The following GAS6 variants were observed in gnomAD, a reference collection of about 807,000 sequenced individuals.
The protein encoded by GAS6 is growth arrest-specific protein 6.
Under a neutral mutation model 75.8 loss-of-function variants are expected in GAS6, and 41 were observed. The observed-to-expected ratio is 0.54, with a 90% CI of 0.42 to 0.70. GAS6 has a LOEUF of 0.70. Among genes scored for constraint, GAS6 ranks in the 30% least tolerant of loss-of-function variants. The pLI is 0.00. For missense variants in GAS6, 854 were observed against 940.2 expected, an observed-to-expected ratio of 0.91 and a Z score of 1.20; for synonymous variants, 432 against 412.6, an observed-to-expected ratio of 1.05 and a Z score of -0.57.
chr13:113,840,751 C>G (rs61966700), intron 4 of GAS6: 3 of 152,250 alleles, frequency 2.0e-5, no homozygotes, highest in African/African-American at 7.2e-5. Context: ...CGGGGCTGAG[C>G]ATGGCAGTGC....
chr13:113,859,655 C>G (rs2051955424), intron 2 of GAS6, among the ~76,000 whole-genome samples: 1 of 152,070 alleles, frequency 6.6e-6, no homozygotes, highest in Admixed American at 6.5e-5. Context: ...AACATATGTA[C>G]ATGTGTGCAT....
chr13:113,823,580 G>T, intron 12 of GAS6, 30 bp from the exon 13 acceptor site: 1 of 1,582,472 alleles, frequency 6.3e-7, no homozygotes, highest in Non-Finnish European at 8.6e-7. Flanking sequence ...TTATAGGGTG[G>T]TATGCACGGT....
chr13:113,834,679 G>C lies in GAS6; in HGVS notation c.713-7C>G. The C allele has an allele frequency of 1.3e-6, 2 of 1,547,990 alleles. No individual in the cohort carries two copies. The highest frequency in any genetic ancestry group is 3.9e-5 in the Admixed American group (2 of 51,770). ...TGCAGACACTCGTCCACATCTGCCA[G>C]CCAGAGGGAAGCGGCGGTGAGCCGG... is the stretch of plus-strand genomic sequence containing the variant. On this transcript the variant is annotated splice_polypyrimidine_tract_variant and splice_region_variant and intron_variant, in intron 7 of 14. Coordinates refer to ENST00000327773, the MANE Select transcript of GAS6 (RefSeq NM_000820.4).
At position 113,842,531 on chromosome 13, in the gene GAS6, T is replaced by A. The variant is rs1338327787; in HGVS notation, c.344-2681A>T. 3.8e-5 allele frequency: 15 copies of A among 396,382 alleles called. 3 individuals carry two copies. The highest frequency in any genetic ancestry group is 2.3e-4 in the African/African-American group (11 of 46,876). 24.6% of individuals were successfully genotyped at this position (396,382 alleles called of 1,614,324 possible). The stretch of plus-strand genomic sequence containing the variant: ...TGTGTCCGCGGGGCGTCTGGAGACG[T>A]CGATGTGGTCATAGCAGGGCCTGGA... On this transcript the variant is annotated intron_variant, in intron 4 of 14. Transcript: ENST00000327773.
intron 6 of GAS6, chr13:113,836,177 G>A (rs2051700211): frequency 8.2e-6 from 3 of 366,312 alleles, no homozygotes; most frequent in South Asian, 1.3e-4. Flanking sequence ...CCAGAGGAGA[G>A]CAAAGGCAGG....
At chr13:113,834,325 G>T (rs1244837871) in intron 8 of GAS6, among the ~76,000 whole-genome samples, 1 of 152,232 alleles carries the variant, frequency 6.6e-6, no homozygotes, top group East Asian at 1.9e-4. Context: ...GTCCACACCA[G>T]GCTGATCCAC....
chr13:113,835,170 G>A (rs1015793315), intron 7 of GAS6, among the ~76,000 whole-genome samples: 9 of 152,254 alleles, frequency 5.9e-5, no homozygotes, highest in East Asian at 1.9e-4. Flanking sequence ...TCCCCATGGC[G>A]GCTGGAAAGA....
intron 14 of GAS6, chr13:113,821,330 C>T (rs906895172): frequency 3.8e-5 from 15 of 393,214 alleles, no homozygotes; most frequent in African/African-American, 9.9e-5. Flanking sequence ...CCTCCTGGCT[C>T]GCTCTCATCC....
At position 113,826,622 on chromosome 13, in the gene GAS6, C is replaced by T. The variant is rs1159123784; in HGVS notation, c.1477+374G>A. Among the ~76,000 whole-genome samples, 68 of 48,440 alleles carry T rather than the reference C, an allele frequency of 1.4e-3. 3 individuals are homozygous for T. The highest frequency in any genetic ancestry group is 6.3e-3 in the South Asian group (7 of 1,104). 31.8% of individuals were successfully genotyped at this position (48,440 alleles called of 152,430 possible). A position where few individuals can be genotyped will look rare whatever the true frequency, so the allele number is the denominator to read the frequency against. ...CTCTCCCCGGCCTCCCGGCGCCGGC[C>T]TCGCAGGCACCTTCTCTCCCCGGCC... On this transcript the variant is annotated intron_variant, in intron 12 of 14. Transcript: ENST00000327773.
chr13:113,855,722 AGTAAAG>A (rs1161035551), intron 2 of GAS6, among the ~76,000 whole-genome samples: 1 of 152,158 alleles, frequency 6.6e-6, no homozygotes, highest in Non-Finnish European at 1.5e-5. Flanking sequence ...GTGTAAGGAC[AGTAAAG>A]GCAACCAGAT....
chr13:113,826,266 A>G (rs1055584646), intron 12 of GAS6, among the ~76,000 whole-genome samples: 1 of 152,148 alleles, frequency 6.6e-6, no homozygotes, highest in Admixed American at 6.5e-5. Context: ...TCACCGGGTC[A>G]TCGGTGACCA....
rs1045476689 is a variant in GAS6 at position 113,827,699 on chromosome 13, G to A, written c.1309-535C>T. Among the ~76,000 whole-genome samples, 9 of 151,110 alleles carry A rather than the reference G, an allele frequency of 6.0e-5. No individual in the cohort carries two copies. The East Asian group carries it at 9.6e-4, about 16-fold the overall frequency. Reference sequence around the variant, plus strand: ...GGGTGGCTTCAGCACAGGCACTGCCGACACTCAGCACCCAAAGACGCGAAG... The same window carrying A: ...GGGTGGCTTCAGCACAGGCACTGCCAACACTCAGCACCCAAAGACGCGAAG... On this transcript the variant is annotated intron_variant, in intron 11 of 14. Transcript: ENST00000327773.
intron 13 of GAS6, 71 bp from the exon 14 acceptor site, chr13:113,822,257 C>T: frequency 8.2e-7 from 1 of 1,216,744 alleles, no homozygotes; most frequent in Non-Finnish European, 1.1e-6. Context: ...CAAGCTGGTC[C>T]TCACAGCTGC....
chr13:113,827,032 G>A lies in GAS6; in HGVS notation c.1441C>T (p.Pro481Ser), dbSNP rs771975043. The A allele has an allele frequency of 1.2e-6, 2 of 1,613,206 alleles. No individual in the cohort carries two copies. The highest frequency in any genetic ancestry group is 8.5e-7 in the Non-Finnish European group (1 of 1,179,964). The change falls in exon 12 of 15, where the codon CCC becomes TCC. Residue 481 changes from proline to serine, a missense_variant. Pro to Ser is a moderately conservative substitution (Grantham distance 74, BLOSUM62 -1). Transcript: ENST00000327773. The stretch of plus-strand genomic sequence containing the variant: ...CTGTAGAAGGCGAAGCCGCTCCCGG[G>A]GTAGAAAGAGCCTCTCTCCGTCACC... ...FSVTERGSFYPGSGFAFYSLD... is the reference protein window; with the variant it reads ...FSVTERGSFYSGSGFAFYSLD...
At chr13:113,838,478 C>A (rs1329709884) in intron 5 of GAS6, among the ~76,000 whole-genome samples, 5 of 135,334 alleles carry the variant, frequency 3.7e-5, no homozygotes, top group Non-Finnish European at 3.2e-5. Context: ...ACAGCCCAGC[C>A]CCGGAGCAGG....
Position 113,863,840 on chromosome 13 carries a change from G to C in GAS6, c.81C>G (p.Cys27Trp). 1 of 1,294,910 alleles carries C rather than the reference G, an allele frequency of 7.7e-7. No homozygotes were observed. The allele number at this position is 1,294,910 out of a possible 1,614,324, so 80.2% of individuals were successfully genotyped here. ...QLLLLLLAAE[C>W]ALAALLPARE... ...CGGGCCCGCGGGACTCACCAAGCGC[G>C]CACTCCGCGGCCAGCAGCAGCAGCA... Residue 27 changes from cysteine to tryptophan, a missense_variant, in exon 1 of 15, where the codon TGC (cysteine) becomes TGG (tryptophan). Transcript: ENST00000327773. The surrounding 1 kb of genome is among the most constrained non-coding windows in gnomAD (Gnocchi z 9.4).
intron 12 of GAS6, among the ~76,000 whole-genome samples, chr13:113,825,375 G>T (rs1305117057): frequency 6.6e-6 from 1 of 152,146 alleles, no homozygotes; most frequent in African/African-American, 2.4e-5. Flanking sequence ...CATGGAGGCT[G>T]CACAGACCCG....
chr13:113,837,675 G>A lies in GAS6; in HGVS notation c.589+394C>T, dbSNP rs888990092. On this transcript the variant is annotated intron_variant, in intron 6 of 14. Coordinates refer to ENST00000327773, the MANE Select transcript of GAS6 (RefSeq NM_000820.4). This position sits in a 1 kb window ranked among gnomAD's most constrained non-coding sequence, Gnocchi z 5.1. Reference sequence around the variant, plus strand: ...GTGGACAGAGGGAGACCAACAACGGGGTGCTTCTGGGGATGCTGGGGAGAG... The same window carrying A: ...GTGGACAGAGGGAGACCAACAACGGAGTGCTTCTGGGGATGCTGGGGAGAG... Among the ~76,000 whole-genome samples the A allele has an allele frequency of 1.7e-4, 26 of 152,146 alleles. No homozygotes were observed. The highest frequency in any genetic ancestry group is 4.4e-5 in the Non-Finnish European group (3 of 68,006).
At chr13:113,826,882 G>C (rs1000073529) in intron 12 of GAS6, 114 bp downstream of exon 12, 9 of 137,340 alleles carry the variant, frequency 6.6e-5, no homozygotes, top group Non-Finnish European at 5.0e-5. Flanking sequence ...CCCCGGAACC[G>C]GAGGAGCCTC....
Sources: gnomAD v4.1 joint callset for allele counts (sites outside exome capture counted in the v4.1 genomes callset) on GRCh38, gnomAD v4.1.1 for gene constraint, Gnocchi (gnomAD v3.1) non-coding constraint, MANE v1.5 for transcripts, NCBI Gene and HGNC (gene_info 2026-07-23, HGNC 2026-07-21) for gene names.